The following MYO18B variants were observed in gnomAD, a reference collection of about 807,000 sequenced individuals.
MYO18B encodes the protein unconventional myosin-XVIIIb.
In MYO18B, 204 loss-of-function variants were observed where a neutral mutation model predicts 273.0. That is an observed-to-expected ratio of 0.75 (90% confidence interval 0.67 to 0.84). The LOEUF (loss-of-function observed/expected upper bound fraction) is 0.84. Among genes scored for constraint, MYO18B ranks in the 40% least tolerant of loss-of-function variants. The pLI, the probability that MYO18B is intolerant of heterozygous loss-of-function variation, is 0.00. For missense variants in MYO18B, 3,212 were observed against 3,287.6 expected (o/e 0.98, Z 0.56); for synonymous variants, 1,330 against 1,305.7 (o/e 1.02, Z -0.40).
chr22:25,805,187 G>A (rs776462590), intron 12 of MYO18B, among the ~76,000 whole-genome samples: 8 of 152,124 alleles, frequency 5.3e-5, no homozygotes, highest in Admixed American at 3.3e-4. Flanking sequence ...TTAGCACATG[G>A]CATCCCATTC....
At chr22:25,991,098 G>A (rs7292853) in intron 39 of MYO18B, among the ~76,000 whole-genome samples, 11,098 of 152,210 alleles carry the variant, frequency 0.073, 1,067 homozygotes, top group African/African-American at 0.21. Context: ...TAATGTTGAT[G>A]TCTGCCTAAG....
chr22:26,050,293 C>T, the MYO18B span, among the ~76,000 whole-genome samples: 6 of 152,246 alleles, frequency 3.9e-5, no homozygotes, highest in East Asian at 1.9e-4. Context: ...GGAAGTATGT[C>T]GTGCAGGGTT....
intron 34 of MYO18B, 122 bp downstream of exon 34, chr22:25,921,531 G>T: frequency 8.0e-7 from 1 of 1,250,364 alleles, no homozygotes; most frequent in Non-Finnish European, 1.1e-6. Context: ...TCACAGATGT[G>T]CAGGGAGATG....
Position 25,768,138 on chromosome 22 carries a change from AC to A in MYO18B, c.225del (p.Asn76ThrfsTer45), listed in dbSNP as rs1427603204. 6.2e-7 allele frequency: 1 copy of A among 1,604,074 alleles called. No individual in the cohort carries two copies. The highest frequency in any genetic ancestry group is 8.5e-7 in the Non-Finnish European group (1 of 1,174,176). On this transcript the variant is annotated frameshift_variant, in exon 4 of 44. Transcript: ENST00000335473. LOFTEE classifies it high-confidence loss of function. ...AGATCCCAGAAATTTCCATCAGCCA[AC>A]CCAACAGCAAGTCCAGCAGTGGCAC... The part of the protein sequence containing the change: ...REIPEISISQ[P>X]NSKSSSGTRS...
intron 31 of MYO18B, among the ~76,000 whole-genome samples, chr22:25,907,324 G>A (rs1194214248): frequency 2.0e-5 from 3 of 152,192 alleles, no homozygotes; most frequent in Admixed American, 6.5e-5. Flanking sequence ...ATTATGCACG[G>A]CTCTATGCCT....
intron 11 of MYO18B, among the ~76,000 whole-genome samples, chr22:25,793,910 A>C (rs973207189): frequency 6.6e-6 from 1 of 152,060 alleles, no homozygotes; most frequent in Non-Finnish European, 1.5e-5. Flanking sequence ...CTCGATGTTT[A>C]TATTCTCTCT....
chr22:25,972,684 G>A (rs1041301916), intron 39 of MYO18B, among the ~76,000 whole-genome samples: 4 of 152,142 alleles, frequency 2.6e-5, no homozygotes, highest in South Asian at 2.1e-4. Context: ...GGCTGGGCAC[G>A]GTGGCTCACG....
At chr22:25,776,320 A>G (rs148537419) in intron 7 of MYO18B, among the ~76,000 whole-genome samples, 2 of 152,316 alleles carry the variant, frequency 1.3e-5, no homozygotes, top group East Asian at 1.9e-4. Flanking sequence ...TTTCTGGGAC[A>G]TGAGACTTTC....
In MYO18B at chr22:25,763,290, C is replaced by T; in HGVS notation, c.99C>T (p.Ile33=). The change falls in exon 3 of 44, where the codon ATC becomes ATT. Residue 33 remains isoleucine (I), a synonymous_variant. Transcript: ENST00000335473. Reference sequence around the variant, plus strand: ...CGCCCCCTCCTCTTTTCTCTGTCATCCCAGGGGGCTTCATTAAGCAACTGG... The same window carrying T: ...CGCCCCCTCCTCTTTTCTCTGTCATTCCAGGGGGCTTCATTAAGCAACTGG... ...PSSPPPLFSV[I]PGGFIKQLVR... 1 of 1,613,076 alleles carries T rather than the reference C, an allele frequency of 6.2e-7. No individual in the cohort carries two copies. Among genetic ancestry groups the T allele is most frequent in the Non-Finnish European group, 8.5e-7 (1 of 1,179,646 alleles).
intron 39 of MYO18B, among the ~76,000 whole-genome samples, chr22:25,971,974 C>T (rs1036439488): frequency 3.3e-5 from 5 of 151,644 alleles, no homozygotes; most frequent in African/African-American, 1.2e-4. Context: ...TTAGTAGAGA[C>T]GGGGTTTTGC....
At chr22:25,911,680 C>T (rs2269629) in intron 33 of MYO18B, among the ~76,000 whole-genome samples, 54,760 of 152,106 alleles carry the variant, frequency 0.36, 11,745 homozygotes, top group East Asian at 0.51. Flanking sequence ...CTGACCTCTA[C>T]CCACCACATT....
chr22:26,004,767 T>C lies in MYO18B; in HGVS notation c.6382T>C (p.Trp2128Arg), dbSNP rs551773968. The change falls in exon 42 of 44, where the codon TGG (tryptophan) becomes CGG (arginine). Residue 2128 changes from tryptophan to arginine, a missense_variant. Physicochemically the swap from Trp to Arg is moderately radical, Grantham distance 101 (BLOSUM62 -3). Coordinates refer to ENST00000335473, the MANE Select transcript of MYO18B (RefSeq NM_032608.7). The stretch of plus-strand genomic sequence containing the variant: ...CCAGCCAGAGGGCAGCCTGCAGTCC[T>C]GGTTGAGCTGTACTCTGTCCCTGGC... ...SSQPEGSLQS[W>R]LSCTLSLATD... 488 of 1,613,984 alleles carry C rather than the reference T, an allele frequency of 3.0e-4. 6 individuals carry two copies. In the South Asian group the frequency reaches 5.1e-3, roughly 17 times the overall value.
At chr22:26,060,002 G>A in the MYO18B span, among the ~76,000 whole-genome samples, 5 of 152,332 alleles carry the variant, frequency 3.3e-5, no homozygotes, top group Non-Finnish European at 7.3e-5. Context: ...ACAACTTTAA[G>A]CATAAAAATG....
At chr22:25,813,705 G>A (rs1174251875) in intron 12 of MYO18B, among the ~76,000 whole-genome samples, 3 of 152,188 alleles carry the variant, frequency 2.0e-5, no homozygotes, top group South Asian at 2.1e-4. Context: ...TGTTCATAAA[G>A]CATCAGCCTA....
chr22:26,002,812 T>A lies in MYO18B; in HGVS notation c.6288-453T>A, dbSNP rs116762457. Among the ~76,000 whole-genome samples the A allele has an allele frequency of 9.4e-3, 1,431 of 152,282 alleles. 23 individuals are homozygous for A. The highest frequency in any genetic ancestry group is 0.033 in the African/African-American group (1,357 of 41,550). On this transcript the variant is annotated intron_variant, in intron 40 of 43. Coordinates refer to ENST00000335473, the MANE Select transcript of MYO18B (RefSeq NM_032608.7). Reference sequence around the variant, plus strand: ...GGAGGGATGCTCTCTAAAGAACAGCTACCATCGTAATTAGTATTGGAGTTT... The same window carrying A: ...GGAGGGATGCTCTCTAAAGAACAGCAACCATCGTAATTAGTATTGGAGTTT...
intron 39 of MYO18B, among the ~76,000 whole-genome samples, chr22:25,990,718 AAAGAAAAAGAAAAAAAAAAAGAC>A: frequency 2.5e-5 from 1 of 39,802 alleles, no homozygotes; most frequent in Non-Finnish European, 5.6e-5. Context: ...AAAAAAAAAA[AAAGAAAAAGAAAAAAAAAAAGAC>A]TCCAGGCTAA....
chr22:25,752,623 G>A (rs11703865), intron 1 of MYO18B, among the ~76,000 whole-genome samples: 47,714 of 151,942 alleles, frequency 0.31, 7,845 homozygotes, highest in South Asian at 0.42. Context: ...ATAGCTGCAA[G>A]CCACAGCTAT....
At chr22:25,962,536 T>C (rs1044273937) in intron 39 of MYO18B, among the ~76,000 whole-genome samples, 1 of 152,244 alleles carries the variant, frequency 6.6e-6, no homozygotes, top group Non-Finnish European at 1.5e-5. Flanking sequence ...TATCTTACTA[T>C]GTACCTAGCC....
intron 39 of MYO18B, among the ~76,000 whole-genome samples, chr22:25,969,649 A>G (rs111240066): frequency 0.014 from 2,069 of 148,670 alleles, 44 homozygotes; most frequent in African/African-American, 0.049. Context: ...TGCTTAGCAC[A>G]GAGTAGGCAT....
Sources: allele counts gnomAD v4.1 joint callset (sites outside exome capture counted in the v4.1 genomes callset), GRCh38; gene constraint gnomAD v4.1.1; transcripts MANE v1.5; gene names NCBI Gene and HGNC (gene_info 2026-07-23, HGNC 2026-07-21).